The following EYA4 variants were observed in gnomAD, a reference collection of about 807,000 sequenced individuals.
EYA4 encodes protein phosphatase EYA4.
EYA4 carries 31 observed loss-of-function variants against 87.9 expected under a neutral mutation model. The ratio of observed to expected loss-of-function variants is 0.35; its 90% CI spans 0.27 to 0.48. The LOEUF (loss-of-function observed/expected upper bound fraction) is 0.48, where lower values mean the gene tolerates loss of function less well. Among genes scored for constraint, EYA4 ranks in the 20% least tolerant of loss-of-function variants. The probability of loss-of-function intolerance (pLI) is 0.99; values close to 1 mark genes in which losing one functional copy is unlikely to be tolerated. For missense variants in EYA4, 678 were observed against 761.4 expected (o/e 0.89, Z 1.29); for synonymous variants, 263 against 270.6 (o/e 0.97, Z 0.28).
At chr6:133,422,829 C>T (rs574949301) in intron 3 of EYA4, among the ~76,000 whole-genome samples, 1 of 152,112 alleles carries the variant, frequency 6.6e-6, no homozygotes. Flanking sequence ...CCCAGAATAC[C>T]CTTGGAATTG....
chr6:133,446,627 C>G lies in EYA4; in HGVS notation c.84-3C>G. 1 of 1,613,794 alleles carries G rather than the reference C, an allele frequency of 6.2e-7. No homozygotes were observed. Among genetic ancestry groups the G allele is most frequent in the South Asian group, 1.1e-5 (1 of 91,066 alleles). On this transcript the variant is annotated splice_region_variant and splice_polypyrimidine_tract_variant and intron_variant, in intron 3 of 19. Transcript: ENST00000355286. The stretch of plus-strand genomic sequence containing the variant: ...TTTTCTCTGCTGCTTACTGCTCTAC[C>G]AGGTCTATGGAAATGCAGGACCTAG...
intron 13 of EYA4, among the ~76,000 whole-genome samples, chr6:133,484,380 T>C (rs1314409297): frequency 6.6e-6 from 1 of 152,264 alleles, no homozygotes; most frequent in Non-Finnish European, 1.5e-5. Context: ...TTCTGACAAG[T>C]AATGATAAAA....
intron 2 of EYA4, among the ~76,000 whole-genome samples, chr6:133,330,999 T>C (rs980537900): frequency 1.4e-4 from 21 of 151,560 alleles, no homozygotes; most frequent in Admixed American, 7.9e-4. Flanking sequence ...TTTCTAATGC[T>C]ATTTGATTAT....
At chr6:133,266,080 C>T (rs1451442278) in intron 1 of EYA4, among the ~76,000 whole-genome samples, 1 of 151,976 alleles carries the variant, frequency 6.6e-6, no homozygotes, top group Non-Finnish European at 1.5e-5. Context: ...AATTGTGTTC[C>T]GTAAAAGATA....
intron 2 of EYA4, among the ~76,000 whole-genome samples, chr6:133,313,338 T>A (rs1312633957): frequency 6.6e-6 from 1 of 152,212 alleles, no homozygotes; most frequent in Non-Finnish European, 1.5e-5. Context: ...ATTCTTCACA[T>A]TGCCTGGAGA....
At chr6:133,305,177 G>A (rs1369663588) in intron 2 of EYA4, among the ~76,000 whole-genome samples, 4 of 152,160 alleles carry the variant, frequency 2.6e-5, no homozygotes, top group Non-Finnish European at 4.4e-5. Context: ...AGTCATGAAA[G>A]TTGGGGCAGT....
At chr6:133,355,746 T>G (rs1248540918) in intron 2 of EYA4, among the ~76,000 whole-genome samples, 1 of 152,220 alleles carries the variant, frequency 6.6e-6, no homozygotes, top group African/African-American at 2.4e-5. Flanking sequence ...TTTTATGTTA[T>G]GTATGTCAAG....
rs560329178 is a variant in EYA4, at chr6:133,467,341, T to C, written c.805-1225T>C. Among the ~76,000 whole-genome samples, 10 of 152,138 alleles carry C rather than the reference T, an allele frequency of 6.6e-5. No individual in the cohort carries two copies. In the South Asian group the frequency reaches 2.1e-3, roughly 32 times the overall value. The stretch of plus-strand genomic sequence containing the variant: ...TAACCACTCTGTGCCTTAGTCCCCT[T>C]CAAAGTAAAATGAATATAGTATTAA... On this transcript the variant is annotated intron_variant, in intron 10 of 19. Transcript: ENST00000355286.
intron 3 of EYA4, among the ~76,000 whole-genome samples, chr6:133,397,173 C>T (rs527666278): frequency 6.6e-6 from 1 of 152,332 alleles, no homozygotes; most frequent in East Asian, 1.9e-4. Context: ...AGGGCATCCA[C>T]ATGACAGTAT....
chr6:133,360,015 T>C (rs774794122), intron 2 of EYA4, among the ~76,000 whole-genome samples: 2 of 152,172 alleles, frequency 1.3e-5, no homozygotes, highest in Non-Finnish European at 2.9e-5. Flanking sequence ...CTGAAGAAGG[T>C]AGCCCAGGAA....
chr6:133,408,257 G>C (rs139548583), intron 3 of EYA4, among the ~76,000 whole-genome samples: 24 of 152,260 alleles, frequency 1.6e-4, no homozygotes, highest in African/African-American at 5.3e-4. Flanking sequence ...AAGCTAGGAA[G>C]ATACTCCTCC....
At chr6:133,349,269 C>G (rs73559619) in intron 2 of EYA4, among the ~76,000 whole-genome samples, 3,203 of 152,304 alleles carry the variant, frequency 0.021, 115 homozygotes, top group African/African-American at 0.073. Context: ...ACTTGCTTTA[C>G]TTTGCCCAAT....
chr6:133,440,658 G>A (rs548682842), intron 3 of EYA4, among the ~76,000 whole-genome samples: 1 of 152,242 alleles, frequency 6.6e-6, no homozygotes, highest in African/African-American at 2.4e-5. Context: ...TGGTTTTCAG[G>A]AGCTATCAGA....
intron 2 of EYA4, among the ~76,000 whole-genome samples, chr6:133,332,322 C>G (rs1782026865): frequency 6.6e-6 from 1 of 152,144 alleles, no homozygotes; most frequent in Non-Finnish European, 1.5e-5. Context: ...AATTAAAGTT[C>G]TTCTTTGGAT....
At chr6:133,504,682 G>A (rs1374339648) in intron 13 of EYA4, among the ~76,000 whole-genome samples, 1 of 152,094 alleles carries the variant, frequency 6.6e-6, no homozygotes, top group Non-Finnish European at 1.5e-5. Flanking sequence ...CTCAAAACAT[G>A]ATGAAAGGAA....
chr6:133,489,561 T>C (rs1192138731), intron 13 of EYA4, among the ~76,000 whole-genome samples: 1 of 152,126 alleles, frequency 6.6e-6, no homozygotes, highest in African/African-American at 2.4e-5. Flanking sequence ...AGCAGACTTT[T>C]CAGTGGAAAC....
chr6:133,515,168 C>T (rs555468652), intron 16 of EYA4, among the ~76,000 whole-genome samples, 153 bp from the exon 17 acceptor site: 54 of 152,288 alleles, frequency 3.5e-4, no homozygotes, highest in African/African-American at 8.7e-4. Flanking sequence ...AATTCAGAAA[C>T]GAAGGATCAA....
Position 133,444,039 on chromosome 6 carries a change from C to T in EYA4, c.84-2591C>T, listed in dbSNP as rs556744058. On this transcript the variant is annotated intron_variant, in intron 3 of 19. Transcript: ENST00000355286. ...TGTCCTGGAACTGTCAATTAGGTCACATTGGTGATAACGCTTTCCAAATCT... is the reference window on the plus strand; with the variant it reads ...TGTCCTGGAACTGTCAATTAGGTCATATTGGTGATAACGCTTTCCAAATCT... Among the ~76,000 whole-genome samples the T allele has an allele frequency of 1.2e-4, 18 of 152,300 alleles. 1 individual carries two copies. Among genetic ancestry groups the T allele is most frequent in the Middle Eastern group, 6.8e-3 (2 of 294 alleles).
At chr6:133,521,634 T>G (rs1459623294) in intron 17 of EYA4, among the ~76,000 whole-genome samples, 1 of 69,396 alleles carries the variant, frequency 1.4e-5, no homozygotes, top group African/African-American at 6.1e-5. Flanking sequence ...CAAAGGACTA[T>G]AAATCATGCT....
Sources: allele counts gnomAD v4.1 joint callset (sites outside exome capture counted in the v4.1 genomes callset), GRCh38; gene constraint gnomAD v4.1.1; transcripts MANE v1.5; gene names NCBI Gene and HGNC (gene_info 2026-07-23, HGNC 2026-07-21).